Variants in PTPRN2 observed in about 807,000 individuals in gnomAD.
PTPRN2 encodes receptor-type tyrosine-protein phosphatase N2.
A neutral mutation model predicts 118.8 loss-of-function variants in PTPRN2; 74 were observed. The ratio of observed to expected loss-of-function variants is 0.62; its 90% CI spans 0.52 to 0.76. The LOEUF (loss-of-function observed/expected upper bound fraction) is 0.76. PTPRN2 is among the 30% of genes least tolerant of loss of function. The pLI is 0.00. For synonymous variants in PTPRN2, 641 were observed against 608.0 expected (o/e 1.05, Z -0.80); for missense variants, 1,481 against 1,394.4 (o/e 1.06, Z -0.99).
At chr7:158,218,050 A>G (rs746857669) in intron 3 of PTPRN2, among the ~76,000 whole-genome samples, 38 of 152,284 alleles carry the variant, frequency 2.5e-4, no homozygotes, top group Non-Finnish European at 4.6e-4. Context: ...AATTTTCCCA[A>G]TCTCACTAGA....
chr7:158,285,749 G>A (rs1158143419), intron 3 of PTPRN2, among the ~76,000 whole-genome samples: 2 of 152,138 alleles, frequency 1.3e-5, no homozygotes, highest in African/African-American at 4.8e-5. Flanking sequence ...GGCTGTCTAT[G>A]TCAGCTACAC....
chr7:158,234,363 T>A (rs1397279360), intron 3 of PTPRN2, among the ~76,000 whole-genome samples: 3 of 150,650 alleles, frequency 2.0e-5, no homozygotes, highest in Admixed American at 2.0e-4. Context: ...ACAGGTACAG[T>A]CATCAAATAA....
intron 2 of PTPRN2, among the ~76,000 whole-genome samples, chr7:158,342,561 A>G (rs545099100): frequency 2.1e-5 from 3 of 145,206 alleles, no homozygotes. Context: ...TCTCACCATA[A>G]GAGCTGACAC....
chr7:157,920,082 G>T (rs1318346427), intron 11 of PTPRN2, among the ~76,000 whole-genome samples: 1 of 152,172 alleles, frequency 6.6e-6, no homozygotes, highest in Non-Finnish European at 1.5e-5. Flanking sequence ...ACCCTGTGAT[G>T]CTCGCACAAC....
At chr7:158,173,277 C>T (rs1260086035) in intron 5 of PTPRN2, among the ~76,000 whole-genome samples, 1 of 152,174 alleles carries the variant, frequency 6.6e-6, no homozygotes, top group Non-Finnish European at 1.5e-5. Flanking sequence ...AGGTTCTTTT[C>T]TATTTTCCCT....
intron 12 of PTPRN2, among the ~76,000 whole-genome samples, chr7:157,887,282 C>T (rs1329086778): frequency 3.9e-5 from 6 of 152,056 alleles, no homozygotes; most frequent in African/African-American, 1.5e-4. Context: ...GAATATTTAC[C>T]AGTAAACAGG....
At chr7:158,461,220 G>C (rs895647152) in intron 2 of PTPRN2, among the ~76,000 whole-genome samples, 5 of 152,144 alleles carry the variant, frequency 3.3e-5, no homozygotes, top group Non-Finnish European at 5.9e-5. Flanking sequence ...TAAAGGCCGG[G>C]CGCGGTGGCT....
chr7:158,571,048 AG>A (rs1828002103), intron 1 of PTPRN2, among the ~76,000 whole-genome samples: 1 of 152,198 alleles, frequency 6.6e-6, no homozygotes, highest in Admixed American at 6.5e-5. Flanking sequence ...GTCCCTCTTC[AG>A]GTTTTAATCC....
intron 12 of PTPRN2, among the ~76,000 whole-genome samples, chr7:157,685,238 A>T (rs1301457454): frequency 1.3e-5 from 2 of 151,466 alleles, no homozygotes; most frequent in African/African-American, 2.4e-5. Context: ...CATCCGCCCC[A>T]GCGCGGAGGC....
At chr7:157,649,973 G>A (rs1278034531) in intron 14 of PTPRN2, among the ~76,000 whole-genome samples, 2 of 150,968 alleles carry the variant, frequency 1.3e-5, no homozygotes, top group Admixed American at 6.6e-5. Flanking sequence ...CCCATCCAGC[G>A]TGCACTGAAC....
chr7:157,935,354 C>T (rs957681781), intron 11 of PTPRN2, among the ~76,000 whole-genome samples: 31 of 152,158 alleles, frequency 2.0e-4, no homozygotes, highest in Admixed American at 7.2e-4. Context: ...CCTTCAGATG[C>T]GATCATTTCT....
intron 15 of PTPRN2, among the ~76,000 whole-genome samples, chr7:157,604,583 C>T (rs1801890011): frequency 6.6e-6 from 1 of 152,154 alleles, no homozygotes; most frequent in South Asian, 2.1e-4. Context: ...AAGCAATCGC[C>T]CGCGTTTCAA....
intron 12 of PTPRN2, among the ~76,000 whole-genome samples, chr7:157,878,500 G>A (rs1208147836): frequency 1.5e-3 from 168 of 109,690 alleles, no homozygotes; most frequent in Middle Eastern, 0.017. Flanking sequence ...GTGCACCCAC[G>A]CTTACTCACC....
chr7:157,995,436 T>C (rs902883220), intron 11 of PTPRN2, among the ~76,000 whole-genome samples: 15 of 152,242 alleles, frequency 9.9e-5, no homozygotes, highest in African/African-American at 3.6e-4. Flanking sequence ...TTCATCCAAC[T>C]CTCTCCAGGC....
Position 158,131,221 on chromosome 7 carries a change from T to TAC in PTPRN2, c.1556+2454_1556+2455dup, listed in dbSNP as rs537284694. Among the ~76,000 whole-genome samples, 242 of 150,150 alleles carry TAC rather than the reference T, an allele frequency of 1.6e-3. 1 individual carries two copies. The highest frequency in any genetic ancestry group is 1.9e-3 in the Non-Finnish European group (129 of 67,532). The stretch of plus-strand genomic sequence containing the variant: ...ACACACTCATATACACACACGTACA[T>TAC]ACACACACACCCAACAAACACACAT... On this transcript the variant is annotated intron_variant, in intron 9 of 22. Coordinates refer to ENST00000389418, the MANE Select transcript of PTPRN2 (RefSeq NM_002847.5).
intron 2 of PTPRN2, among the ~76,000 whole-genome samples, chr7:158,417,166 G>A (rs978080891): frequency 3.3e-5 from 5 of 151,876 alleles, no homozygotes; most frequent in South Asian, 2.1e-4. Flanking sequence ...GTACTACATT[G>A]AGATGCTGTA....
intron 3 of PTPRN2, among the ~76,000 whole-genome samples, chr7:158,266,412 G>A (rs1017342653): frequency 6.7e-6 from 1 of 150,312 alleles, no homozygotes; most frequent in Admixed American, 6.6e-5. Context: ...CTGCTGCGGG[G>A]TATTGTCTGG....
chr7:157,826,960 GA>G (rs2151151774), intron 12 of PTPRN2, among the ~76,000 whole-genome samples: 1 of 152,224 alleles, frequency 6.6e-6, no homozygotes, highest in African/African-American at 2.4e-5. Flanking sequence ...TCCTGCACAG[GA>G]CCCTCCAAAT....
intron 1 of PTPRN2, among the ~76,000 whole-genome samples, chr7:158,535,839 T>C (rs1825611580): frequency 6.6e-6 from 1 of 151,418 alleles, no homozygotes; most frequent in Admixed American, 6.6e-5. Context: ...TGGGATTTTT[T>C]CTTTCATTTT....
Sources: allele counts gnomAD v4.1 joint callset (sites outside exome capture counted in the v4.1 genomes callset), GRCh38; gene constraint gnomAD v4.1.1; transcripts MANE v1.5; gene names NCBI Gene and HGNC (gene_info 2026-07-23, HGNC 2026-07-21).